UNC13B: variants seen among roughly 807,000 people sequenced by gnomAD.
The protein encoded by UNC13B is protein unc-13 homolog B.
In UNC13B, 144 loss-of-function variants were observed where a neutral mutation model predicts 211.0. The ratio of observed to expected loss-of-function variants is 0.68; its 90% CI spans 0.60 to 0.78. The LOEUF (loss-of-function observed/expected upper bound fraction) is 0.78. Ranked by LOEUF, UNC13B falls within the 30% of genes least tolerant of loss-of-function variation. The pLI, the probability that UNC13B is intolerant of heterozygous loss-of-function variation, is 0.00. For missense variants in UNC13B, 1,777 were observed against 2,002.0 expected, an observed-to-expected ratio of 0.89 and a Z score of 2.14; for synonymous variants, 709 against 725.8, an observed-to-expected ratio of 0.98 and a Z score of 0.37.
rs577275651 is a variant in UNC13B, at chr9:35,397,423, C to A, written c.11676+113C>A. The A allele has an allele frequency of 1.8e-5, 27 of 1,488,008 alleles. No individual in the cohort carries two copies. The South Asian group carries it at 3.4e-4, about 19-fold the overall frequency. The allele number at this position is 1,488,008 out of a possible 1,614,324, so 92.2% of individuals were successfully genotyped here. On this transcript the variant is annotated intron_variant, in intron 29 of 39. Transcript: ENST00000635942. ...TGGCCTCCTGGTAAAGCTCGTGTGACCCCCATTCTCCTTTGCTGGTTTCTG... is the reference window on the plus strand; with the variant it reads ...TGGCCTCCTGGTAAAGCTCGTGTGAACCCCATTCTCCTTTGCTGGTTTCTG...
At chr9:35,348,662 T>A (rs1202049941) in intron 11 of UNC13B, among the ~76,000 whole-genome samples, 1 of 152,206 alleles carries the variant, frequency 6.6e-6, no homozygotes, top group Non-Finnish European at 1.5e-5. Context: ...TCAGTAGCAA[T>A]AACAACAGGA....
chr9:35,317,325 C>T (rs1463258694), intron 11 of UNC13B, among the ~76,000 whole-genome samples: 1 of 152,008 alleles, frequency 6.6e-6, no homozygotes, highest in African/African-American at 2.4e-5. Context: ...CTCAGCCTCC[C>T]TTGTAGCTAG....
At chr9:35,342,944 C>T (rs763214486) in intron 11 of UNC13B, among the ~76,000 whole-genome samples, 11 of 152,242 alleles carry the variant, frequency 7.2e-5, no homozygotes, top group Non-Finnish European at 1.5e-4. Flanking sequence ...AAAAAACCAC[C>T]ATCCTAATGT....
chr9:35,175,829 C>T (rs111456831), intron 1 of UNC13B, among the ~76,000 whole-genome samples: 7 of 140,264 alleles, frequency 5.0e-5, no homozygotes, highest in African/African-American at 1.6e-4. Context: ...CCAGTCTGGC[C>T]AACATGGTGA....
chr9:35,320,922 C>T (rs943595001), intron 11 of UNC13B, among the ~76,000 whole-genome samples: 3 of 152,148 alleles, frequency 2.0e-5, no homozygotes, highest in Non-Finnish European at 4.4e-5. Flanking sequence ...TCTCCATGTG[C>T]TTCTTTATCT....
At chr9:35,314,046 A>G in intron 11 of UNC13B, 57 bp downstream of exon 11, 1 of 1,375,164 alleles carries the variant, frequency 7.3e-7, no homozygotes, top group Non-Finnish European at 1.0e-6. Flanking sequence ...ATTGGGAGAC[A>G]TATGGTGCTG....
rs1051330522 is a variant in UNC13B, at chr9:35,302,450, C to G, written c.3046C>G (p.Leu1016Val). ...SGSAPNTQDN[L>V]GKFDSTEEFN... The stretch of plus-strand genomic sequence containing the variant: ...TTCAGCTCCAAATACTCAGGATAAT[C>G]TAGGGAAATTTGACAGTACAGAGGA... Residue 1016 changes from leucine (L) to valine (V), a missense_variant, in exon 9 of 40, where the codon CTA (leucine) becomes GTA (valine). Leu to Val is a conservative substitution (Grantham distance 32, BLOSUM62 1). Coordinates refer to ENST00000635942, the MANE Select transcript of UNC13B (RefSeq NM_001371189.2). 10 of 398,436 alleles carry G rather than the reference C, an allele frequency of 2.5e-5. No individual in the cohort carries two copies. The highest frequency in any genetic ancestry group is 1.9e-4 in the African/African-American group (9 of 48,550). 24.7% of individuals were successfully genotyped at this position (398,436 alleles called of 1,614,324 possible).
rs1820837766 is a variant in UNC13B at position 35,162,546 on chromosome 9, C to T, written c.22+241C>T. The stretch of plus-strand genomic sequence containing the variant: ...GTAGCCATGTGACAATGTTGTTGGA[C>T]TGCAGGCTCAGATCCTATTAAACAG... On this transcript the variant is annotated intron_variant, in intron 1 of 39. Coordinates refer to ENST00000635942, the MANE Select transcript of UNC13B (RefSeq NM_001371189.2). Among the ~76,000 whole-genome samples the T allele has an allele frequency of 2.0e-5, 3 of 152,218 alleles. No homozygotes were observed. In the South Asian group the frequency reaches 6.2e-4, roughly 31 times the overall value.
intron 1 of UNC13B, among the ~76,000 whole-genome samples, chr9:35,175,057 C>T (rs1821549958): frequency 1.3e-5 from 2 of 152,232 alleles, no homozygotes; most frequent in Admixed American, 6.5e-5. Context: ...CTTCAGCCTC[C>T]CAAAGTGCTG....
At chr9:35,259,212 A>G (rs1827114610) in intron 7 of UNC13B, among the ~76,000 whole-genome samples, 162 bp downstream of exon 7, 2 of 152,070 alleles carry the variant, frequency 1.3e-5, no homozygotes, top group South Asian at 4.1e-4. Flanking sequence ...ATGGCTGTCT[A>G]TCTATTAGCT....
At position 35,257,580 on chromosome 9, in the gene UNC13B, C is replaced by CAAAAAAAA. The variant is rs1160474466; in HGVS notation, c.469-1390_469-1383dup. Reference sequence around the variant, plus strand: ...TGGGAGAAAGAGTGAGAATCTGTATCAAAAAAAAAAAAAAAAAAAAAAAAA... The same window carrying CAAAAAAAA: ...TGGGAGAAAGAGTGAGAATCTGTATCAAAAAAAAAAAAAAAAAAAAAAAAAAAAAAAAA... On this transcript the variant is annotated intron_variant, in intron 6 of 39. Coordinates refer to ENST00000635942, the MANE Select transcript of UNC13B (RefSeq NM_001371189.2). 2.1e-3 allele frequency among the ~76,000 whole-genome samples: 78 copies of CAAAAAAAA among 36,388 alleles called. 8 individuals carry two copies. Among genetic ancestry groups the CAAAAAAAA allele is most frequent in the African/African-American group, 0.011 (73 of 6,352 alleles). 23.9% of individuals were successfully genotyped at this position (36,388 alleles called of 152,430 possible). A position where few individuals can be genotyped will look rare whatever the true frequency, so the allele number is the denominator to read the frequency against.
chr9:35,378,219 G>GA, intron 16 of UNC13B, 76 bp from the exon 17 acceptor site: 1 of 1,584,458 alleles, frequency 6.3e-7, no homozygotes, highest in Non-Finnish European at 8.6e-7. Flanking sequence ...ACTGCTCTAA[G>GA]ATGGAAAGCA....
intron 1 of UNC13B, among the ~76,000 whole-genome samples, chr9:35,167,586 G>GTTT (rs35751450): frequency 3.7e-4 from 42 of 114,988 alleles, no homozygotes; most frequent in East Asian, 4.4e-4. Context: ...ATCTTTGTAG[G>GTTT]TTTTTTTTTT....
intron 11 of UNC13B, among the ~76,000 whole-genome samples, chr9:35,349,347 G>GA (rs56137649): frequency 0.014 from 1,653 of 115,458 alleles, 17 homozygotes; most frequent in African/African-American, 0.021. Flanking sequence ...GGTTGGGGAG[G>GA]AAAAAAAAAA....
rs148130710 is a variant in UNC13B at position 35,401,099 on chromosome 9, T to G, written c.12484+656T>G. On this transcript the variant is annotated intron_variant, in intron 37 of 39. Coordinates refer to ENST00000635942, the MANE Select transcript of UNC13B (RefSeq NM_001371189.2). The stretch of plus-strand genomic sequence containing the variant: ...ACATCTGCATAGATGTAGCTCAGGT[T>G]GAAATTCTGACGCTGGAGCAGAGCC... Among the ~76,000 whole-genome samples, 751 of 152,260 alleles carry G rather than the reference T, an allele frequency of 4.9e-3. 5 individuals are homozygous for G. The highest frequency in any genetic ancestry group is 8.9e-3 in the Non-Finnish European group (603 of 68,014).
rs910233139 is a variant in UNC13B at position 35,305,331 on chromosome 9, C to G, written c.5927C>G (p.Ser1976Cys). Residue 1976 changes from serine to cysteine, a missense_variant, in exon 9 of 40, where the codon TCT (serine) becomes TGT (cysteine). Ser to Cys is a moderately radical substitution (Grantham distance 112). Transcript: ENST00000635942. ...CCACCTCAAGAAAAGAAAGAATCTT[C>G]TGGTGTTTCAAATTTTTGGGGTACC... ...KIPPQEKKES[S>C]GVSNFWGTLG... The G allele has an allele frequency of 7.5e-6, 3 of 398,890 alleles. No homozygotes were observed. The highest frequency in any genetic ancestry group is 1.3e-5 in the Non-Finnish European group (3 of 225,992). 24.7% of individuals were successfully genotyped at this position (398,890 alleles called of 1,614,324 possible). A position where few individuals can be genotyped will look rare whatever the true frequency, so the allele number is the denominator to read the frequency against.
intron 11 of UNC13B, chr9:35,353,005 C>A: frequency 8.1e-7 from 1 of 1,232,194 alleles, no homozygotes; most frequent in Non-Finnish European, 1.0e-6. Flanking sequence ...AGCTCCTGGG[C>A]TGCGAAGCTG....
At chr9:35,210,902 A>G (rs1823931276) in intron 1 of UNC13B, among the ~76,000 whole-genome samples, 1 of 151,864 alleles carries the variant, frequency 6.6e-6, no homozygotes, top group Non-Finnish European at 1.5e-5. Context: ...AGTGTTTTGT[A>G]TTTTTGTTTG....
intron 11 of UNC13B, among the ~76,000 whole-genome samples, chr9:35,317,689 ATTTTTT>A: frequency 8.0e-6 from 1 of 125,544 alleles, no homozygotes; most frequent in East Asian, 2.3e-4. Flanking sequence ...TGCCTGGCTA[ATTTTTT>A]TTTTTTTTTT....
Sources: gnomAD v4.1 joint callset for allele counts (sites outside exome capture counted in the v4.1 genomes callset) on GRCh38, gnomAD v4.1.1 for gene constraint, MANE v1.5 for transcripts, NCBI Gene and HGNC (gene_info 2026-07-23, HGNC 2026-07-21) for gene names.